The following TYR variants were observed in gnomAD, a reference collection of about 807,000 sequenced individuals.
TYR encodes the protein tyrosinase, also known as LB24-AB.
Under a neutral mutation model 51.5 loss-of-function variants are expected in TYR, and 58 were observed. That is an observed-to-expected ratio of 1.13 (90% CI 0.91 to 1.40). The LOEUF (loss-of-function observed/expected upper bound fraction) is 1.40. Ranked by LOEUF, TYR falls within the 40% of genes most tolerant of loss-of-function variation. TYR has a pLI of 0.00. For missense variants in TYR, 732 were observed against 647.4 expected, an observed-to-expected ratio of 1.13 and a Z score of -1.42; for synonymous variants, 263 against 235.2, an observed-to-expected ratio of 1.12 and a Z score of -1.08.
chr11:89,216,856 T>A (rs1431735744), intron 2 of TYR, among the ~76,000 whole-genome samples: 1 of 152,152 alleles, frequency 6.6e-6, no homozygotes, highest in South Asian at 2.1e-4. Flanking sequence ...GAATAGCGTA[T>A]GACTATTTTT....
chr11:89,267,070 A>G (rs1944534089), intron 3 of TYR, among the ~76,000 whole-genome samples: 1 of 151,966 alleles, frequency 6.6e-6, no homozygotes, highest in Non-Finnish European at 1.5e-5. Context: ...CTCAGAATCA[A>G]GTGAAATCTA....
intron 3 of TYR, among the ~76,000 whole-genome samples, chr11:89,282,254 T>G (rs547019057): frequency 1.3e-5 from 2 of 151,838 alleles, no homozygotes; most frequent in Non-Finnish European, 2.9e-5. Flanking sequence ...GGTACAATTT[T>G]TGCCTCCAGC....
At chr11:89,220,398 G>A (rs552365804) in intron 2 of TYR, among the ~76,000 whole-genome samples, 1 of 152,246 alleles carries the variant, frequency 6.6e-6, no homozygotes, top group South Asian at 2.1e-4. Context: ...AACTATTCAT[G>A]AGAAATTTGC....
intron 3 of TYR, among the ~76,000 whole-genome samples, chr11:89,243,460 T>C (rs563515606): frequency 1.3e-4 from 20 of 152,306 alleles, no homozygotes; most frequent in Middle Eastern, 6.8e-3. Context: ...TCCAGTCTTT[T>C]GAGTCTCCAA....
chr11:89,277,224 A>G (rs1372932876), intron 3 of TYR, among the ~76,000 whole-genome samples: 1 of 151,758 alleles, frequency 6.6e-6, no homozygotes, highest in Non-Finnish European at 1.5e-5. Context: ...CAAAACAAGT[A>G]CTACATGAAA....
At chr11:89,245,472 A>G (rs4611200) in intron 3 of TYR, among the ~76,000 whole-genome samples, 1 of 152,214 alleles carries the variant, frequency 6.6e-6, no homozygotes, top group Non-Finnish European at 1.5e-5. Flanking sequence ...TCTTCCTCCA[A>G]CAAGGGAGCA....
intron 2 of TYR, among the ~76,000 whole-genome samples, chr11:89,209,623 C>G (rs187759951): frequency 6.6e-6 from 1 of 152,156 alleles, no homozygotes; most frequent in Non-Finnish European, 1.5e-5. Flanking sequence ...TGGAGCACAG[C>G]GTTCGAGCTC....
intron 2 of TYR, among the ~76,000 whole-genome samples, chr11:89,209,591 C>A (rs183086458): frequency 2.0e-5 from 3 of 152,314 alleles, no homozygotes; most frequent in Admixed American, 1.3e-4. Context: ...TGTCTGACAG[C>A]TCTGAAGAGA....
chr11:89,279,930 T>C (rs1259227681), intron 3 of TYR, among the ~76,000 whole-genome samples: 1 of 151,756 alleles, frequency 6.6e-6, no homozygotes. Flanking sequence ...TTCTTTTACA[T>C]GATAGATTCA....
intron 2 of TYR, among the ~76,000 whole-genome samples, chr11:89,227,172 C>A (rs2135281351): frequency 6.6e-6 from 1 of 152,218 alleles, no homozygotes; most frequent in South Asian, 2.1e-4. Flanking sequence ...AAACATTTAG[C>A]ATACTCAACA....
chr11:89,288,998 T>C (rs1359358820), intron 4 of TYR, among the ~76,000 whole-genome samples: 1 of 152,058 alleles, frequency 6.6e-6, no homozygotes, highest in Non-Finnish European at 1.5e-5. Context: ...AGCTGATGTC[T>C]GCCATTTATC....
At chr11:89,275,171 C>T (rs992014734) in intron 3 of TYR, among the ~76,000 whole-genome samples, 4 of 151,814 alleles carry the variant, frequency 2.6e-5, no homozygotes, top group African/African-American at 9.7e-5. Flanking sequence ...ACAACTGTGC[C>T]GTCACCCTTT....
At chr11:89,185,580 T>C (rs1943360670) in intron 1 of TYR, among the ~76,000 whole-genome samples, 1 of 152,110 alleles carries the variant, frequency 6.6e-6, no homozygotes. Context: ...AATCATTGTT[T>C]ATTAGAGACG....
chr11:89,178,542 G>C lies in TYR; in HGVS notation c.589G>C (p.Asp197His), dbSNP rs1395588230. The change falls in exon 1 of 5, where the codon GAC becomes CAC. Residue 197 changes from aspartate to histidine, a missense_variant. Physicochemically the swap from Asp to His is moderately conservative, Grantham distance 81. Coordinates refer to ENST00000263321, the MANE Select transcript of TYR (RefSeq NM_000372.5). ...GCTTGGGGGATCTGAAATCTGGAGA[G>C]ACATTGATTTTGCCCATGAAGCACC... ...ALLGGSEIWR[D>H]IDFAHEAPAF... is the part of the protein sequence containing the mutation. 6.2e-7 allele frequency: 1 copy of C among 1,614,176 alleles called. No homozygotes were observed. The highest frequency in any genetic ancestry group is 1.7e-5 in the Admixed American group (1 of 60,028).
chr11:89,255,091 G>A (rs750566138), intron 3 of TYR, among the ~76,000 whole-genome samples: 21 of 151,772 alleles, frequency 1.4e-4, no homozygotes, highest in African/African-American at 4.6e-4. Context: ...TCAGGATCAA[G>A]TTATTTAATT....
Position 89,178,269 on chromosome 11 carries a change from G to C in TYR, c.316G>C (p.Gly106Arg), listed in dbSNP as rs759163678. 3.1e-5 allele frequency: 50 copies of C among 1,614,060 alleles called. No individual in the cohort carries two copies. Among genetic ancestry groups the C allele is most frequent in the Admixed American group, 3.0e-4 (18 of 59,998 alleles). ...ATTCAACTGTGGAAACTGCAAGTTT[G>C]GCTTTTGGGGACCAAACTGCACAGA... is the stretch of plus-strand genomic sequence containing the variant. Reference protein sequence around the residue: ...MGFNCGNCKFGFWGPNCTERR... With the variant: ...MGFNCGNCKFRFWGPNCTERR... The change falls in exon 1 of 5, where the codon GGC (glycine) becomes CGC (arginine). Residue 106 changes from glycine (G) to arginine (R), a missense_variant. Physicochemically the swap from Gly to Arg is moderately radical, Grantham distance 125. Transcript: ENST00000263321.
intron 3 of TYR, among the ~76,000 whole-genome samples, chr11:89,257,769 C>T (rs188937258): frequency 2.0e-4 from 30 of 152,058 alleles, no homozygotes; most frequent in African/African-American, 6.5e-4. Flanking sequence ...AGCTGGCCAA[C>T]GCTCTCTACC....
chr11:89,287,428 T>C (rs1312167066), intron 4 of TYR, among the ~76,000 whole-genome samples: 1 of 151,930 alleles, frequency 6.6e-6, no homozygotes, highest in Non-Finnish European at 1.5e-5. Flanking sequence ...TACATACACA[T>C]TTATTGAATA....
chr11:89,286,789 G>A (rs1475219251), intron 4 of TYR, among the ~76,000 whole-genome samples: 3 of 151,826 alleles, frequency 2.0e-5, no homozygotes, highest in Non-Finnish European at 2.9e-5. Context: ...GCAAAGGGTG[G>A]AGGTGTGGTA....
Sources: gnomAD v4.1 joint callset for allele counts (sites outside exome capture counted in the v4.1 genomes callset) on GRCh38, gnomAD v4.1.1 for gene constraint, MANE v1.5 for transcripts, NCBI Gene and HGNC (gene_info 2026-07-23, HGNC 2026-07-21) for gene names.